ZNF143: variants seen among roughly 807,000 people sequenced by gnomAD.
ZNF143 encodes the protein zinc finger protein 143.
In ZNF143, 49 loss-of-function variants were observed where a neutral mutation model predicts 74.1. The ratio of observed to expected loss-of-function variants is 0.66; its 90% CI spans 0.53 to 0.84. The LOEUF (loss-of-function observed/expected upper bound fraction) is 0.84, where lower values mean the gene tolerates loss of function less well. Among genes scored for constraint, ZNF143 ranks in the 40% least tolerant of loss-of-function variants. The pLI is 0.00. For missense variants in ZNF143, 637 were observed against 793.4 expected (o/e 0.80, Z 2.37); for synonymous variants, 304 against 282.8 (o/e 1.07, Z -0.75).
intron 14 of ZNF143, among the ~76,000 whole-genome samples, chr11:9,523,829 C>G (rs999463398): frequency 3.3e-5 from 5 of 151,922 alleles, no homozygotes; most frequent in Non-Finnish European, 7.4e-5. Flanking sequence ...GGGTGGATCG[C>G]CTGAGGTCAG....
rs756382927 is a variant in ZNF143 at position 9,512,627 on chromosome 11, A to G, written c.1524+31A>G. On this transcript the variant is annotated intron_variant, in intron 13 of 15. Transcript: ENST00000396602. ...TATCCACCAAAAGCCAAACAAATTAAATCTTTCTGTGAACCTGGGCTTGAA... is the reference window on the plus strand; with the variant it reads ...TATCCACCAAAAGCCAAACAAATTAGATCTTTCTGTGAACCTGGGCTTGAA... 6.2e-6 allele frequency: 10 copies of G among 1,609,244 alleles called. No individual in the cohort carries two copies. The African/African-American group carries it at 1.3e-4, about 21-fold the overall frequency.
chr11:9,527,647 G>GTCTT lies in ZNF143; in HGVS notation c.*37_*40dup. The GTCTT allele has an allele frequency of 2.5e-6, 4 of 1,594,578 alleles. No homozygotes were observed. The highest frequency in any genetic ancestry group is 2.6e-6 in the Non-Finnish European group (3 of 1,163,618). ...ACAATGGAGCAATAAAGCAGAAGGAGTCTTTCATCTTCTGGCAGCAGAAAT... is the reference window on the plus strand; with the variant it reads ...ACAATGGAGCAATAAAGCAGAAGGAGTCTTTCTTTCATCTTCTGGCAGCAGAAAT... On this transcript the variant is annotated 3_prime_UTR_variant, in exon 16 of 16. Transcript: ENST00000396602.
intron 11 of ZNF143, among the ~76,000 whole-genome samples, chr11:9,506,766 A>G (rs1182343385): frequency 6.6e-6 from 1 of 152,232 alleles, no homozygotes; most frequent in Non-Finnish European, 1.5e-5. Flanking sequence ...AATATCCAGT[A>G]GAGTAAAGAT....
At chr11:9,492,496 C>T (rs1847819886) in intron 7 of ZNF143, among the ~76,000 whole-genome samples, 1 of 152,046 alleles carries the variant, frequency 6.6e-6, no homozygotes, top group African/African-American at 2.4e-5. Flanking sequence ...ATCCACCCAC[C>T]TTGGCCTCCC....
At position 9,473,939 on chromosome 11, in the gene ZNF143, A is replaced by G; in HGVS notation, c.206-2A>G. ...TTTATTGTCTTGAATCTTTTGTTAT[A>G]GATGCAAAACTCATAGATGGCCAGG... On this transcript the variant is annotated splice_acceptor_variant, in intron 3 of 15. Coordinates refer to ENST00000396602, the MANE Select transcript of ZNF143 (RefSeq NM_003442.6). LOFTEE classifies it high-confidence loss of function. 6.2e-7 allele frequency: 1 copy of G among 1,614,112 alleles called. No individual in the cohort carries two copies. The highest frequency in any genetic ancestry group is 1.1e-5 in the South Asian group (1 of 91,086).
At chr11:9,502,894 A>G (rs1406316908) in intron 11 of ZNF143, among the ~76,000 whole-genome samples, 1 of 152,046 alleles carries the variant, frequency 6.6e-6, no homozygotes, top group African/African-American at 2.4e-5. Flanking sequence ...GCAGTGGCGC[A>G]ATCTCGGCTC....
intron 7 of ZNF143, among the ~76,000 whole-genome samples, chr11:9,486,387 A>ATTATAT (rs1491455973): frequency 6.1e-4 from 11 of 18,000 alleles, no homozygotes; most frequent in Non-Finnish European, 1.0e-3. Context: ...TTATATATAT[A>ATTATAT]ATATATATAA....
At chr11:9,510,712 T>G (rs1476847486) in intron 12 of ZNF143, among the ~76,000 whole-genome samples, 2 of 151,822 alleles carry the variant, frequency 1.3e-5, no homozygotes, top group Admixed American at 6.6e-5. Flanking sequence ...GATTAGCATA[T>G]TATGTCCTTT....
intron 7 of ZNF143, among the ~76,000 whole-genome samples, chr11:9,489,484 G>A (rs1847687993): frequency 6.6e-6 from 1 of 152,120 alleles, no homozygotes; most frequent in Non-Finnish European, 1.5e-5. Context: ...TGGAAAAAAT[G>A]TCCAATACTC....
chr11:9,502,036 A>G (rs185642977), intron 11 of ZNF143, among the ~76,000 whole-genome samples: 195 of 133,266 alleles, frequency 1.5e-3, no homozygotes, highest in African/African-American at 4.9e-3. Context: ...TCCCAGGTTT[A>G]AGCGATTCTC....
At chr11:9,511,358 GCA>G (rs1188514170) in intron 12 of ZNF143, among the ~76,000 whole-genome samples, 2 of 151,612 alleles carry the variant, frequency 1.3e-5, no homozygotes, top group East Asian at 1.9e-4. Context: ...GTGCAGTGGT[GCA>G]ATCTCGGCTC....
intron 7 of ZNF143, among the ~76,000 whole-genome samples, chr11:9,481,974 CT>C (rs71034714): frequency 1.5e-4 from 18 of 122,328 alleles, no homozygotes; most frequent in East Asian, 2.4e-4. Flanking sequence ...ACCCATTACT[CT>C]TTTTTTTTTT....
At chr11:9,468,615 C>G (rs1407976712) in intron 1 of ZNF143, among the ~76,000 whole-genome samples, 1 of 152,216 alleles carries the variant, frequency 6.6e-6, no homozygotes, top group Non-Finnish European at 1.5e-5. Flanking sequence ...CATTTGCTAG[C>G]ACGTTCTAAT....
chr11:9,519,371 C>G (rs920686254), intron 14 of ZNF143, among the ~76,000 whole-genome samples: 1 of 152,140 alleles, frequency 6.6e-6, no homozygotes, highest in Non-Finnish European at 1.5e-5. Flanking sequence ...GTCTCGAACT[C>G]CGGACCTCAA....
chr11:9,476,414 C>T (rs1468358294), intron 5 of ZNF143, among the ~76,000 whole-genome samples: 1 of 151,962 alleles, frequency 6.6e-6, no homozygotes, highest in Non-Finnish European at 1.5e-5. Context: ...CGCTCTGTTG[C>T]CAGGCTGGAG....
rs367612104 is a variant in ZNF143 at position 9,512,585 on chromosome 11, G to A, written c.1513G>A (p.Gly505Arg). The A allele has an allele frequency of 9.9e-6, 16 of 1,614,040 alleles. No homozygotes were observed. Among genetic ancestry groups the A allele is most frequent in the Non-Finnish European group, 1.4e-5 (16 of 1,180,028 alleles). The change falls in exon 13 of 16, where the codon GGG becomes AGG. Residue 505 changes from glycine to arginine, a missense_variant. Physicochemically the swap from Gly to Arg is moderately radical, Grantham distance 125 (BLOSUM62 -2). Around this residue, in one of 2 missense-constraint regions of ZNF143, gnomAD observed 344 missense variants for 485.6 expected, o/e 0.71. Coordinates refer to ENST00000396602, the MANE Select transcript of ZNF143 (RefSeq NM_003442.6). ...SQQVTLISQD[G>R]TQHVNISQAD... Reference sequence around the variant, plus strand: ...ACAAGTTACACTCATATCCCAGGATGGGACTCAGCATGTAAGTATCCACCA... The same window carrying A: ...ACAAGTTACACTCATATCCCAGGATAGGACTCAGCATGTAAGTATCCACCA...
chr11:9,502,489 A>G, intron 11 of ZNF143, among the ~76,000 whole-genome samples: 1 of 150,698 alleles, frequency 6.6e-6, no homozygotes, highest in Non-Finnish European at 1.5e-5. Context: ...GGGTGCCTAT[A>G]GTCCCAGCTA....
At chr11:9,474,087 C>T (rs984101181) in intron 4 of ZNF143, 63 bp downstream of exon 4, 17 of 1,285,858 alleles carry the variant, frequency 1.3e-5, no homozygotes, top group South Asian at 2.4e-5. Context: ...TATTTGCTAC[C>T]TGCAGCTCCC....
At chr11:9,522,390 G>GAA (rs879512286) in intron 14 of ZNF143, among the ~76,000 whole-genome samples, 1 of 143,328 alleles carries the variant, frequency 7.0e-6, no homozygotes. Flanking sequence ...TGCTTCTGGG[G>GAA]AAAAAAAAAA....
Sources: gnomAD v4.1 joint callset for allele counts (sites outside exome capture counted in the v4.1 genomes callset) on GRCh38, gnomAD v4.1.1 for gene constraint, gnomAD v4.1.1 regional missense constraint, MANE v1.5 for transcripts, NCBI Gene and HGNC (gene_info 2026-07-23, HGNC 2026-07-21) for gene names.